Variants in NT5C2 observed in about 807,000 individuals in gnomAD.
The protein encoded by NT5C2 is 5'-nucleotidase, cytosolic II, also known as cytosolic purine 5'-nucleotidase.
In NT5C2, 58 loss-of-function variants were observed where a neutral mutation model predicts 76.1. The ratio of observed to expected loss-of-function variants is 0.76; its 90% CI spans 0.62 to 0.95. The LOEUF (loss-of-function observed/expected upper bound fraction) is 0.95. Among genes scored for constraint, NT5C2 ranks in the 40% least tolerant of loss-of-function variants. NT5C2 has a pLI of 0.00. For missense variants in NT5C2, 478 were observed against 690.3 expected (o/e 0.69, Z 3.45); for synonymous variants, 229 against 237.4 (o/e 0.96, Z 0.32).
chr10:103,122,289 A>T (rs2075818404), intron 4 of NT5C2, among the ~76,000 whole-genome samples: 1 of 152,172 alleles, frequency 6.6e-6, no homozygotes, highest in Non-Finnish European at 1.5e-5. Context: ...CTGTGTTTTA[A>T]CACAGTTTCT....
intron 9 of NT5C2, among the ~76,000 whole-genome samples, 176 bp from the exon 10 acceptor site, chr10:103,099,160 C>T (rs1038872042): frequency 1.3e-5 from 2 of 152,188 alleles, no homozygotes; most frequent in African/African-American, 4.8e-5. Context: ...GCAGCCTCGA[C>T]CTCCCCAGGC....
chr10:103,123,746 A>T (rs1565069770), intron 4 of NT5C2, among the ~76,000 whole-genome samples: 1 of 152,216 alleles, frequency 6.6e-6, no homozygotes, highest in Non-Finnish European at 1.5e-5. Context: ...ACGGCTCAGA[A>T]TCTAAAGTGC....
chr10:103,135,797 C>T (rs930155804), intron 4 of NT5C2, among the ~76,000 whole-genome samples: 6 of 150,612 alleles, frequency 4.0e-5, no homozygotes, highest in African/African-American at 7.3e-5. Flanking sequence ...CAAAACAGAA[C>T]AAAATGGCTG....
intron 4 of NT5C2, among the ~76,000 whole-genome samples, chr10:103,130,551 TA>T: frequency 2.0e-5 from 1 of 49,308 alleles, no homozygotes; most frequent in South Asian, 5.1e-4. Context: ...GAATTATCAA[TA>T]AAAAAATAAA....
chr10:103,117,129 GAAAC>G (rs2074534223), intron 4 of NT5C2, among the ~76,000 whole-genome samples: 1 of 152,040 alleles, frequency 6.6e-6, no homozygotes, highest in African/African-American at 2.4e-5. Flanking sequence ...TTCAGTTAAA[GAAAC>G]AAACTACAAA....
intron 4 of NT5C2, among the ~76,000 whole-genome samples, chr10:103,122,552 A>AC (rs2075871306): frequency 6.6e-6 from 1 of 152,250 alleles, no homozygotes; most frequent in Non-Finnish European, 1.5e-5. Flanking sequence ...GTTGCTAGTT[A>AC]CTGATAGGAT....
At chr10:103,104,272 T>C (rs973017038) in intron 6 of NT5C2, among the ~76,000 whole-genome samples, 4 of 152,262 alleles carry the variant, frequency 2.6e-5, no homozygotes, top group Non-Finnish European at 5.9e-5. Context: ...ATGTGGAAAC[T>C]TTATTGGCTT....
At chr10:103,139,093 CTAAGAG>C (rs1405384744) in intron 4 of NT5C2, among the ~76,000 whole-genome samples, 1 of 152,064 alleles carries the variant, frequency 6.6e-6, no homozygotes, top group African/African-American at 2.4e-5. Context: ...TAAAGAATGG[CTAAGAG>C]TAAAAGTCAA....
At chr10:103,130,130 A>G (rs951258113) in intron 4 of NT5C2, among the ~76,000 whole-genome samples, 1 of 151,856 alleles carries the variant, frequency 6.6e-6, no homozygotes, top group African/African-American at 2.4e-5. Context: ...AAGGTGGGGA[A>G]AAGATTGAGA....
chr10:103,116,242 G>A (rs1025795387), intron 4 of NT5C2, among the ~76,000 whole-genome samples: 1 of 152,076 alleles, frequency 6.6e-6, no homozygotes, highest in Non-Finnish European at 1.5e-5. Flanking sequence ...TATGTAATGA[G>A]CTGCTTTAAA....
intron 4 of NT5C2, among the ~76,000 whole-genome samples, chr10:103,129,109 G>A (rs112924565): frequency 0.17 from 19,656 of 114,544 alleles, 1,848 homozygotes; most frequent in East Asian, 0.37. Context: ...CAGCCGTGCC[G>A]TCCGGGAGGG....
intron 6 of NT5C2, among the ~76,000 whole-genome samples, chr10:103,105,067 AT>A (rs2070861231): frequency 6.6e-6 from 1 of 152,226 alleles, no homozygotes; most frequent in Non-Finnish European, 1.5e-5. Flanking sequence ...TCACAAAAAA[AT>A]AGTAGATACT....
intron 1 of NT5C2, among the ~76,000 whole-genome samples, chr10:103,182,991 G>A (rs1288518732): frequency 1.3e-5 from 2 of 151,786 alleles, no homozygotes; most frequent in African/African-American, 2.4e-5. Context: ...TCATTATATT[G>A]TGCTTAAGGG....
intron 6 of NT5C2, among the ~76,000 whole-genome samples, chr10:103,101,840 A>C (rs190518409): frequency 6.6e-6 from 1 of 152,306 alleles, no homozygotes; most frequent in East Asian, 1.9e-4. Flanking sequence ...AAATCTAGGA[A>C]GGATTCATGC....
intron 4 of NT5C2, among the ~76,000 whole-genome samples, chr10:103,130,181 TG>T (rs1394194323): frequency 6.6e-6 from 1 of 151,586 alleles, no homozygotes; most frequent in Non-Finnish European, 1.5e-5. Flanking sequence ...GAAGTAGACA[TG>T]GGAGACTTTT....
chr10:103,150,454 T>C (rs932125793), intron 3 of NT5C2, among the ~76,000 whole-genome samples: 3 of 152,234 alleles, frequency 2.0e-5, no homozygotes, highest in African/African-American at 7.2e-5. Flanking sequence ...GTTTCCAGCT[T>C]TCGACTATTA....
At chr10:103,145,265 A>G (rs1336935929) in intron 3 of NT5C2, among the ~76,000 whole-genome samples, 2 of 152,272 alleles carry the variant, frequency 1.3e-5, no homozygotes, top group African/African-American at 4.8e-5. Flanking sequence ...ATGAAATACC[A>G]TGTCTCCAGG....
intron 1 of NT5C2, among the ~76,000 whole-genome samples, chr10:103,189,355 C>T (rs2092415704): frequency 6.6e-6 from 1 of 152,018 alleles, no homozygotes; most frequent in Non-Finnish European, 1.5e-5. Flanking sequence ...CGCCTGTAAT[C>T]GCAGCACTTT....
In NT5C2 at chr10:103,099,992, G is replaced by A. The variant is rs1354524062; in HGVS notation, c.567C>T (p.Asp189=). ...ACATACTCCGGTAGGACATGAAGAG[G>A]TCCCCATCTTTAAATCCTGTTTCAC... ...TSCETGFKDG[D]LFMSYRSMFQ... The change falls in exon 9 of 19, where the codon GAC becomes GAT. Residue 189 remains aspartate (D), a synonymous_variant. Coordinates refer to ENST00000404739, the MANE Select transcript of NT5C2 (RefSeq NM_001351169.2). The A allele has an allele frequency of 1.9e-6, 3 of 1,611,656 alleles. No homozygotes were observed. In the South Asian group the frequency reaches 3.3e-5, roughly 18 times the overall value.
Sources: allele counts gnomAD v4.1 joint callset (sites outside exome capture counted in the v4.1 genomes callset), GRCh38; gene constraint gnomAD v4.1.1; transcripts MANE v1.5; gene names NCBI Gene and HGNC (gene_info 2026-07-23, HGNC 2026-07-21).